Variants in KCNAB2 observed in about 807,000 individuals in gnomAD.
KCNAB2 encodes the protein voltage-gated potassium channel subunit beta-2.
KCNAB2 carries 29 observed loss-of-function variants against 63.6 expected under a neutral mutation model. The ratio of observed to expected loss-of-function variants is 0.46; its 90% CI spans 0.34 to 0.62. The LOEUF (loss-of-function observed/expected upper bound fraction) is 0.62, where lower values mean the gene tolerates loss of function less well. KCNAB2 is among the 20% of genes least tolerant of loss of function. The pLI, the probability that KCNAB2 is intolerant of heterozygous loss-of-function variation, is 0.01. For missense variants in KCNAB2, 359 were observed against 563.9 expected, an observed-to-expected ratio of 0.64 and a Z score of 3.68; for synonymous variants, 222 against 224.2, an observed-to-expected ratio of 0.99 and a Z score of 0.09.
Position 6,086,138 on chromosome 1 carries a change from A to G in KCNAB2, c.425+890A>G, listed in dbSNP as rs2100739107. The G allele has an allele frequency of 1.0e-6, 1 of 985,222 alleles. No individual in the cohort carries two copies. The highest frequency in any genetic ancestry group is 1.1e-4 in the East Asian group (1 of 8,812). The allele number at this position is 985,222 out of a possible 1,614,324, so 61.0% of individuals were successfully genotyped here. On this transcript the variant is annotated intron_variant, in intron 6 of 15. Coordinates refer to ENST00000378083, the MANE Select transcript of KCNAB2 (RefSeq NM_001199862.2). This position sits in a 1 kb window ranked among gnomAD's most constrained non-coding sequence, Gnocchi z 4.2. ...AAGCCCCGGGGCCCTGTTCCTTAAT[A>G]AATGCGTCTTTATTTTCAGAAACAT...
chr1:6,003,215 G>A lies in KCNAB2; in HGVS notation c.-53+10427G>A, dbSNP rs1657361408. 6.6e-6 allele frequency among the ~76,000 whole-genome samples: 1 copy of A among 152,198 alleles called. No homozygotes were observed. Among genetic ancestry groups the A allele is most frequent in the Non-Finnish European group, 1.5e-5 (1 of 68,026 alleles). ...AGCCCCAGCAGCCTGGCCCCTGCTG[G>A]CTGCAGGGGCTCCAGAGCCTGTGCT... is the stretch of plus-strand genomic sequence containing the variant. On this transcript the variant is annotated intron_variant, in intron 1 of 16. Coordinates refer to the KCNAB2 transcript ENST00000341524. The surrounding 1 kb of genome is among the most constrained non-coding windows in gnomAD (Gnocchi z 4.1).
intron 2 of KCNAB2, among the ~76,000 whole-genome samples, chr1:6,055,016 C>T (rs1010566937): frequency 3.9e-5 from 6 of 152,098 alleles, no homozygotes; most frequent in African/African-American, 1.4e-4. Context: ...GCCTCCAGAC[C>T]CTGGTCTCCT....
intron 12 of KCNAB2, 35 bp from the exon 13 acceptor site, chr1:6,095,495 C>T (rs373616181): frequency 1.1e-6 from 1 of 933,476 alleles, no homozygotes; most frequent in Non-Finnish European, 1.7e-6. Context: ...TGCTCTCGGG[C>T]CCAGGGCTTG....
At chr1:6,063,103 T>G (rs540742036) in intron 2 of KCNAB2, among the ~76,000 whole-genome samples, 1 of 151,980 alleles carries the variant, frequency 6.6e-6, no homozygotes, top group African/African-American at 2.4e-5. Context: ...CTCGGCTTAC[T>G]GCAGCCTCCA....
At chr1:6,000,763 G>C (rs997164552) in intron 1 of KCNAB2, among the ~76,000 whole-genome samples, 1 of 152,122 alleles carries the variant, frequency 6.6e-6, no homozygotes, top group African/African-American at 2.4e-5. Context: ...TCCTGGTGAC[G>C]CCAGCACAGA....
intron 1 of KCNAB2, among the ~76,000 whole-genome samples, chr1:6,039,562 T>G (rs1660327957): frequency 6.6e-6 from 1 of 152,128 alleles, no homozygotes; most frequent in Admixed American, 6.6e-5. Flanking sequence ...CCCTGCAGCT[T>G]CCAACTGCCC....
intron 1 of KCNAB2, among the ~76,000 whole-genome samples, chr1:5,993,968 TC>T (rs1308205261): frequency 6.6e-6 from 1 of 152,124 alleles, no homozygotes; most frequent in Non-Finnish European, 1.5e-5. Flanking sequence ...GGTTGTCTTT[TC>T]CTCCCTTTCA....
At chr1:6,080,250 CGAG>C (rs746104415) in intron 4 of KCNAB2, among the ~76,000 whole-genome samples, 21 of 152,006 alleles carry the variant, frequency 1.4e-4, no homozygotes, top group Admixed American at 1.1e-3. Context: ...AGGAGGAAGA[CGAG>C]GAGGAAGCAG....
intron 2 of KCNAB2, among the ~76,000 whole-genome samples, chr1:6,064,420 G>T (rs1027485763): frequency 6.6e-6 from 1 of 152,206 alleles, no homozygotes; most frequent in Non-Finnish European, 1.5e-5. Context: ...TAGGGAAGGG[G>T]GCTGTTGAAA....
chr1:6,019,570 G>C (rs7539366), intron 1 of KCNAB2, among the ~76,000 whole-genome samples: 64,771 of 151,946 alleles, frequency 0.43, 14,128 homozygotes, highest in East Asian at 0.6. Flanking sequence ...GCTAATTAAG[G>C]CTCTGGAGTT....
chr1:6,072,809 G>T lies in KCNAB2; in HGVS notation c.262+11G>T. 6.2e-7 allele frequency: 1 copy of T among 1,613,500 alleles called. No homozygotes were observed. The highest frequency in any genetic ancestry group is 2.2e-5 in the East Asian group (1 of 44,874). On this transcript the variant is annotated intron_variant, in intron 3 of 15. Coordinates refer to ENST00000378083, the MANE Select transcript of KCNAB2 (RefSeq NM_001199862.2). Reference sequence around the variant, plus strand: ...CCTGCCTGGGACTTGGTGAGTGTGGGGGTCCCCTCCGTCCCACCAGGGAAA... The same window carrying T: ...CCTGCCTGGGACTTGGTGAGTGTGGTGGTCCCCTCCGTCCCACCAGGGAAA...
chr1:6,020,548 G>A (rs767034597), intron 1 of KCNAB2, among the ~76,000 whole-genome samples: 29 of 152,146 alleles, frequency 1.9e-4, no homozygotes, highest in Non-Finnish European at 3.5e-4. Flanking sequence ...TCCTGGACTC[G>A]GGTTATGGAC....
At chr1:5,993,836 A>C (rs1314865716) in intron 1 of KCNAB2, among the ~76,000 whole-genome samples, 1 of 152,136 alleles carries the variant, frequency 6.6e-6, no homozygotes, top group Non-Finnish European at 1.5e-5. Context: ...CTGTCGTGAT[A>C]GGGACCTGGC....
At chr1:6,022,678 C>G (rs780019938) in intron 1 of KCNAB2, among the ~76,000 whole-genome samples, 7 of 152,146 alleles carry the variant, frequency 4.6e-5, no homozygotes, top group Non-Finnish European at 8.8e-5. Flanking sequence ...GGCCACCATT[C>G]TGCTTTCTGT....
In KCNAB2 at chr1:6,051,461, G is replaced by C. The variant is rs373579322; in HGVS notation, c.-26-50G>C. The C allele has an allele frequency of 2.2e-4, 309 of 1,426,474 alleles. 1 individual carries two copies. In the African/African-American group the frequency reaches 3.7e-3, roughly 17 times the overall value. 88.4% of individuals were successfully genotyped at this position (1,426,474 alleles called of 1,614,324 possible). On this transcript the variant is annotated intron_variant, in intron 1 of 15. Coordinates refer to ENST00000378083, the MANE Select transcript of KCNAB2 (RefSeq NM_001199862.2). ...TGCCCCAGGGCCAGCCATCCAGCCTGGGGCACGTGGGGCATTGGCACACTG... is the reference window on the plus strand; with the variant it reads ...TGCCCCAGGGCCAGCCATCCAGCCTCGGGCACGTGGGGCATTGGCACACTG...
At chr1:6,079,525 A>AC (rs1324133975) in intron 4 of KCNAB2, among the ~76,000 whole-genome samples, 3 of 151,952 alleles carry the variant, frequency 2.0e-5, no homozygotes. Context: ...TCTCCCAAAA[A>AC]AAAAAAATAA....
intron 1 of KCNAB2, among the ~76,000 whole-genome samples, chr1:6,037,278 C>T (rs533727443): frequency 6.6e-6 from 1 of 152,184 alleles, no homozygotes; most frequent in African/African-American, 2.4e-5. Context: ...GCACCTAGAC[C>T]CAAGAGAGAG....
chr1:6,019,586 C>G (rs1373481143), intron 1 of KCNAB2, among the ~76,000 whole-genome samples: 1 of 152,210 alleles, frequency 6.6e-6, no homozygotes, highest in Non-Finnish European at 1.5e-5. Flanking sequence ...GAGTTGGGCA[C>G]TGGAGCACCG....
chr1:6,003,256 C>T lies in KCNAB2; in HGVS notation c.-53+10468C>T, dbSNP rs1246168100. On this transcript the variant is annotated intron_variant, in intron 1 of 16. Coordinates refer to the KCNAB2 transcript ENST00000341524. The surrounding 1 kb of genome is among the most constrained non-coding windows in gnomAD (Gnocchi z 4.1). ...AGCCTGTGCTACAAGCCCGGGTGGC[C>T]GGAGCCTCCTGCGGGATTCCCCATC... Among the ~76,000 whole-genome samples the T allele has an allele frequency of 2.0e-5, 3 of 152,304 alleles. No homozygotes were observed. The East Asian group carries it at 5.8e-4, about 29-fold the overall frequency.
Sources: gnomAD v4.1 joint callset for allele counts (sites outside exome capture counted in the v4.1 genomes callset) on GRCh38, gnomAD v4.1.1 for gene constraint, Gnocchi (gnomAD v3.1) non-coding constraint, MANE v1.5 for transcripts, NCBI Gene and HGNC (gene_info 2026-07-23, HGNC 2026-07-21) for gene names.